FBXL17: variants seen among roughly 807,000 people sequenced by gnomAD.
The protein encoded by FBXL17 is F-box/LRR-repeat protein 17.
FBXL17 carries 22 observed loss-of-function variants against 66.2 expected under a neutral mutation model. The observed-to-expected ratio is 0.33, with a 90% confidence interval of 0.24 to 0.47. The LOEUF (loss-of-function observed/expected upper bound fraction) is 0.47. Ranked by LOEUF, FBXL17 falls within the 20% of genes least tolerant of loss-of-function variation. The probability of loss-of-function intolerance (pLI) is 1.00; values close to 1 mark genes in which losing one functional copy is unlikely to be tolerated. For synonymous variants in FBXL17, 474 were observed against 400.5 expected (o/e 1.18, Z -2.19); for missense variants, 878 against 948.2 (o/e 0.93, Z 0.97).
rs553676055 is a variant in FBXL17 at position 108,043,295 on chromosome 5, T to G, written c.1746-22294A>C. Among the ~76,000 whole-genome samples the G allele has an allele frequency of 9.8e-5, 15 of 152,288 alleles. No individual in the cohort carries two copies. In the East Asian group the frequency reaches 2.9e-3, roughly 29 times the overall value. On this transcript the variant is annotated intron_variant, in intron 6 of 8. Coordinates refer to ENST00000542267, the MANE Select transcript of FBXL17 (RefSeq NM_001163315.3). ...TTTGGTGTCAAGTCTAGAAATTACA[T>G]GCCTAGCCCTAGACCCTGAAGGTTT...
chr5:108,053,142 A>C (rs1035133605), intron 6 of FBXL17, among the ~76,000 whole-genome samples: 2 of 152,210 alleles, frequency 1.3e-5, no homozygotes, highest in Non-Finnish European at 2.9e-5. Context: ...GCAGTGGCAA[A>C]GACTTCAGGA....
At chr5:107,994,613 G>A (rs1429876802) in intron 7 of FBXL17, among the ~76,000 whole-genome samples, 1 of 152,202 alleles carries the variant, frequency 6.6e-6, no homozygotes, top group African/African-American at 2.4e-5. Flanking sequence ...GCTGAGGTGG[G>A]TGGATTATGA....
intron 6 of FBXL17, among the ~76,000 whole-genome samples, chr5:108,075,738 A>G (rs1009005875): frequency 6.6e-6 from 1 of 152,084 alleles, no homozygotes; most frequent in Non-Finnish European, 1.5e-5. Context: ...CGGCCTCCCA[A>G]AGTGCTGGGA....
chr5:108,050,112 G>T (rs1397487928), intron 6 of FBXL17, among the ~76,000 whole-genome samples: 1 of 152,182 alleles, frequency 6.6e-6, no homozygotes, highest in Non-Finnish European at 1.5e-5. Flanking sequence ...CCTAGAAAGA[G>T]ACTTAGACTC....
intron 6 of FBXL17, among the ~76,000 whole-genome samples, chr5:108,041,912 G>A (rs150462970): frequency 2.6e-5 from 4 of 151,826 alleles, no homozygotes; most frequent in African/African-American, 9.7e-5. Flanking sequence ...TAATTCAGGG[G>A]TTTTTCTGAG....
At chr5:108,148,108 C>T (rs187763173) in intron 6 of FBXL17, among the ~76,000 whole-genome samples, 43 of 152,018 alleles carry the variant, frequency 2.8e-4, no homozygotes, top group Middle Eastern at 3.4e-3. Context: ...TGTATATATA[C>T]GGGTAGCTGT....
intron 4 of FBXL17, among the ~76,000 whole-genome samples, chr5:108,323,229 ACTATT>A (rs1759699337): frequency 6.6e-6 from 1 of 151,890 alleles, no homozygotes; most frequent in Non-Finnish European, 1.5e-5. Flanking sequence ...ATACAAAAGA[ACTATT>A]ATAATAAATG....
At chr5:108,117,692 G>C (rs1207546312) in intron 6 of FBXL17, among the ~76,000 whole-genome samples, 1 of 152,134 alleles carries the variant, frequency 6.6e-6, no homozygotes, top group Non-Finnish European at 1.5e-5. Flanking sequence ...ATGAGGAAAA[G>C]GGGTCTGTGG....
At position 108,273,927 on chromosome 5, in the gene FBXL17, T is replaced by C. The variant is rs1757378977; in HGVS notation, c.1507-49699A>G. ...CATTAAAAAGTAGTAAAAACTATTATGTAAAAATCTAGGCTAATGAATACA... is the reference window on the plus strand; with the variant it reads ...CATTAAAAAGTAGTAAAAACTATTACGTAAAAATCTAGGCTAATGAATACA... On this transcript the variant is annotated intron_variant, in intron 4 of 8. Coordinates refer to ENST00000542267, the MANE Select transcript of FBXL17 (RefSeq NM_001163315.3). Among the ~76,000 whole-genome samples the C allele has an allele frequency of 4.6e-5, 7 of 152,280 alleles. 1 individual carries two copies. In the South Asian group the frequency reaches 1.2e-3, roughly 27 times the overall value.
At position 108,381,172 on chromosome 5, in the gene FBXL17, C is replaced by G. The variant is rs1345759596; in HGVS notation, c.520G>C (p.Ala174Pro). The part of the protein sequence containing the change: ...LGPVRFLGPP[A>P]AVQLFRGPTP... ...GGCCCCCGGAAGAGCTGCACGGCGGCGGGCGGCCCCAGGAAGCGCACCGGC... is the reference window on the plus strand; with the variant it reads ...GGCCCCCGGAAGAGCTGCACGGCGGGGGGCGGCCCCAGGAAGCGCACCGGC... Residue 174 changes from alanine (A) to proline (P), a missense_variant, in exon 1 of 9, where the codon GCC becomes CCC. Coordinates refer to ENST00000542267, the MANE Select transcript of FBXL17 (RefSeq NM_001163315.3). 1.4e-6 allele frequency: 2 copies of G among 1,428,360 alleles called. No individual in the cohort carries two copies. The highest frequency in any genetic ancestry group is 1.5e-5 in the African/African-American group (1 of 67,324). The allele number at this position is 1,428,360 out of a possible 1,614,324, so 88.5% of individuals were successfully genotyped here. A position where few individuals can be genotyped will look rare whatever the true frequency, so the allele number is the denominator to read the frequency against.
chr5:108,073,174 C>G (rs1748408298), intron 6 of FBXL17, among the ~76,000 whole-genome samples: 1 of 152,138 alleles, frequency 6.6e-6, no homozygotes, highest in African/African-American at 2.4e-5. Flanking sequence ...AACTGAGTAA[C>G]ACCAAATCTA....
At chr5:107,884,936 C>T (rs532473679) in intron 7 of FBXL17, among the ~76,000 whole-genome samples, 38 of 152,116 alleles carry the variant, frequency 2.5e-4, no homozygotes, top group Non-Finnish European at 5.0e-4. Context: ...GAAAGAATTT[C>T]GAAAAATAAA....
At chr5:107,904,810 A>G (rs1396066950) in intron 7 of FBXL17, among the ~76,000 whole-genome samples, 1 of 152,234 alleles carries the variant, frequency 6.6e-6, no homozygotes, top group African/African-American at 2.4e-5. Context: ...TCATTCTAAG[A>G]AAATATAACA....
chr5:108,273,673 T>C lies in FBXL17; in HGVS notation c.1507-49445A>G, dbSNP rs530400271. Among the ~76,000 whole-genome samples the C allele has an allele frequency of 2.0e-5, 3 of 152,030 alleles. No homozygotes were observed. In the South Asian group the frequency reaches 6.2e-4, roughly 32 times the overall value. ...ATCTAAGATTTTCACTTCTATGAAA[T>C]AACACAAGCCTAAGAGCATCAGAGA... On this transcript the variant is annotated intron_variant, in intron 4 of 8. Coordinates refer to ENST00000542267, the MANE Select transcript of FBXL17 (RefSeq NM_001163315.3).
Position 108,328,325 on chromosome 5 carries a change from A to T in FBXL17, c.1506+20074T>A, listed in dbSNP as rs757061816. On this transcript the variant is annotated intron_variant, in intron 4 of 8. Transcript: ENST00000542267. ...ACAGCAGGAGACATGGGCATTATTT[A>T]AAAAAAATAAACAAAAACACTAGGA... is the stretch of plus-strand genomic sequence containing the variant. 1.5e-3 allele frequency among the ~76,000 whole-genome samples: 231 copies of T among 152,024 alleles called. 1 individual carries two copies. Among genetic ancestry groups the T allele is most frequent in the Non-Finnish European group, 2.4e-3 (164 of 67,926 alleles).
chr5:108,170,002 A>C (rs982632633), intron 6 of FBXL17, among the ~76,000 whole-genome samples: 1 of 152,222 alleles, frequency 6.6e-6, no homozygotes, highest in African/African-American at 2.4e-5. Flanking sequence ...TATAAATTAA[A>C]ACTAAAAGAA....
At chr5:108,101,825 A>G (rs1749612197) in intron 6 of FBXL17, among the ~76,000 whole-genome samples, 1 of 152,258 alleles carries the variant, frequency 6.6e-6, no homozygotes, top group South Asian at 2.1e-4. Context: ...AAGCTACTAA[A>G]AATACAGAAT....
intron 2 of FBXL17, among the ~76,000 whole-genome samples, chr5:108,366,527 CT>C (rs1748675057): frequency 7.8e-6 from 1 of 127,976 alleles, no homozygotes; most frequent in Non-Finnish European, 1.6e-5. Context: ...TTATTTTTTA[CT>C]TTTTCATCTC....
In FBXL17 at chr5:107,912,480, G is replaced by T. The variant is rs116070956; in HGVS notation, c.1823-31301C>A. 4.1e-3 allele frequency among the ~76,000 whole-genome samples: 626 copies of T among 152,142 alleles called. 4 individuals carry two copies. Among genetic ancestry groups the T allele is most frequent in the Non-Finnish European group, 6.7e-3 (455 of 67,978 alleles). ...TTCATTTCAAGGTATACACAAAGTGGCTAAAAGAACAAAGTACATCTATAT... is the reference window on the plus strand; with the variant it reads ...TTCATTTCAAGGTATACACAAAGTGTCTAAAAGAACAAAGTACATCTATAT... On this transcript the variant is annotated intron_variant, in intron 7 of 8. Coordinates refer to ENST00000542267, the MANE Select transcript of FBXL17 (RefSeq NM_001163315.3).
Sources: allele counts gnomAD v4.1 joint callset (sites outside exome capture counted in the v4.1 genomes callset), GRCh38; gene constraint gnomAD v4.1.1; transcripts MANE v1.5; gene names NCBI Gene and HGNC (gene_info 2026-07-23, HGNC 2026-07-21).